The following UGT1A6 variants were observed in gnomAD, a reference collection of about 807,000 sequenced individuals.
The protein encoded by UGT1A6 is UDP-glucuronosyltransferase 1A6.
UGT1A6 carries 32 observed loss-of-function variants against 44.4 expected under a neutral mutation model. That is an observed-to-expected ratio of 0.72 (90% CI 0.54 to 0.97). UGT1A6 has a LOEUF of 0.97. Ranked by LOEUF, UGT1A6 falls within the 50% of genes least tolerant of loss-of-function variation. The pLI, the probability that UGT1A6 is intolerant of heterozygous loss-of-function variation, is 0.00. For synonymous variants in UGT1A6, 238 were observed against 248.5 expected, an observed-to-expected ratio of 0.96 and a Z score of 0.40; for missense variants, 685 against 661.9, an observed-to-expected ratio of 1.03 and a Z score of -0.38.
chr2:233,719,424 T>A (rs1477800386), intron 1 of UGT1A6: 11 of 1,613,828 alleles, frequency 6.8e-6, no homozygotes, highest in Non-Finnish European at 9.3e-6. Flanking sequence ...AACGACCAAT[T>A]CAGACCACAT....
rs367562116 is a variant in UGT1A6, at chr2:233,765,371, G to A, written c.862-1663G>A. On this transcript the variant is annotated intron_variant, in intron 1 of 4. Coordinates refer to ENST00000305139, the MANE Select transcript of UGT1A6 (RefSeq NM_001072.4). Reference sequence around the variant, plus strand: ...GGAACCAACCCAGATGCCCATCAATGGTAGATTGGATAAAGAAAATGTGGT... The same window carrying A: ...GGAACCAACCCAGATGCCCATCAATAGTAGATTGGATAAAGAAAATGTGGT... Among the ~76,000 whole-genome samples, 7 of 152,230 alleles carry A rather than the reference G, an allele frequency of 4.6e-5. No homozygotes were observed. In the South Asian group the frequency reaches 1.0e-3, roughly 23 times the overall value.
At chr2:233,729,179 T>C (rs200023814) in intron 1 of UGT1A6, 112 of 1,613,806 alleles carry the variant, frequency 6.9e-5, no homozygotes, top group Non-Finnish European at 9.3e-6. Context: ...GGACTGCTGC[T>C]TCTCCTCAGT....
chr2:233,713,180 G>A (rs771375365), intron 1 of UGT1A6: 21 of 1,614,082 alleles, frequency 1.3e-5, no homozygotes, highest in South Asian at 8.8e-5. Context: ...TCCTCACCCT[G>A]GAGGTGAATA....
chr2:233,746,906 T>C (rs1380473357), intron 1 of UGT1A6, among the ~76,000 whole-genome samples: 1 of 151,690 alleles, frequency 6.6e-6, no homozygotes, highest in Admixed American at 6.5e-5. Context: ...TGACATGAAA[T>C]GGGTTTCCAC....
chr2:233,712,271 C>T (rs3893334), intron 1 of UGT1A6, among the ~76,000 whole-genome samples: 15,485 of 152,260 alleles, frequency 0.1, 907 homozygotes, highest in East Asian at 0.2. Flanking sequence ...GTGCTTTAGA[C>T]AGCAGCACCT....
rs551553193 is a variant in UGT1A6, at chr2:233,693,077, G to A, written c.73G>A (p.Val25Ile). The change falls in exon 1 of 5, where the codon GTA (valine) becomes ATA (isoleucine). Residue 25 changes from valine (V) to isoleucine (I), a missense_variant. Transcript: ENST00000305139. The part of the protein sequence containing the change: ...VFFLALWGMV[V>I]GDKLLVVPQD... ...CTTCTTAGCACTTTGGGGCATGGTT[G>A]TAGGTGACAAGCTGCTGGTGGTCCC... The A allele has an allele frequency of 1.2e-5, 20 of 1,614,204 alleles. No homozygotes were observed. In the East Asian group the frequency reaches 4.2e-4, roughly 34 times the overall value.
At chr2:233,747,695 G>C in intron 1 of UGT1A6, 1 of 1,611,470 alleles carries the variant, frequency 6.2e-7, no homozygotes, top group Non-Finnish European at 8.5e-7. Flanking sequence ...GGGCAGTGCT[G>C]GCTAAGTACC....
chr2:233,718,017 C>T (rs2076622656), intron 1 of UGT1A6: 3 of 393,308 alleles, frequency 7.6e-6, no homozygotes, highest in South Asian at 1.9e-5. Flanking sequence ...CAGGCTCCAG[C>T]TCCCCAGGTC....
intron 1 of UGT1A6, among the ~76,000 whole-genome samples, chr2:233,734,101 T>TATA (rs549143261): frequency 0.029 from 4,376 of 151,364 alleles, 190 homozygotes; most frequent in African/African-American, 0.094. Flanking sequence ...AAACTTAAAG[T>TATA]ATAATAATAA....
intron 1 of UGT1A6, chr2:233,713,460 T>C: frequency 2.5e-6 from 4 of 1,614,160 alleles, no homozygotes; most frequent in Non-Finnish European, 3.4e-6. Flanking sequence ...CTTTCACCTC[T>C]GCGCGGCGGT....
chr2:233,744,363 T>G (rs1041937060), intron 1 of UGT1A6, among the ~76,000 whole-genome samples: 1 of 151,886 alleles, frequency 6.6e-6, no homozygotes, highest in African/African-American at 2.4e-5. Context: ...TCCTGTTGTT[T>G]AGGACTGCAG....
intron 1 of UGT1A6, chr2:233,718,641 G>T: frequency 6.8e-7 from 1 of 1,475,748 alleles, no homozygotes; most frequent in Admixed American, 2.0e-5. Context: ...CCAGGGTTGG[G>T]CCCATAACGA....
intron 1 of UGT1A6, among the ~76,000 whole-genome samples, chr2:233,724,363 C>T (rs1212893783): frequency 1.6e-4 from 22 of 136,704 alleles, no homozygotes; most frequent in African/African-American, 2.2e-4. Flanking sequence ...CCCTCCCGGA[C>T]GGGGTGGCTG....
intron 1 of UGT1A6, among the ~76,000 whole-genome samples, chr2:233,715,582 G>A (rs2076459243): frequency 6.6e-6 from 1 of 151,896 alleles, no homozygotes; most frequent in South Asian, 2.1e-4. Context: ...GAGCAGCCTG[G>A]GCAACATGCT....
intron 1 of UGT1A6, chr2:233,755,162 G>C: frequency 2.3e-6 from 3 of 1,279,936 alleles, no homozygotes; most frequent in Non-Finnish European, 3.2e-6. Context: ...CCCTGTCCTC[G>C]GGGTTTTTGT....
intron 1 of UGT1A6, among the ~76,000 whole-genome samples, chr2:233,715,015 TACAGGCGCATGGCACC>T (rs1363692546): frequency 6.6e-6 from 1 of 152,224 alleles, no homozygotes; most frequent in African/African-American, 2.4e-5. Flanking sequence ...TAGCTGGAAC[TACAGGCGCATGGCACC>T]ACATCCAGCT....
At chr2:233,760,225 G>A (rs1047777533) in intron 1 of UGT1A6, 1 of 1,585,000 alleles carries the variant, frequency 6.3e-7, no homozygotes. Flanking sequence ...GTATCGATTG[G>A]TTTTTGCCAT....
At position 233,693,864 on chromosome 2, in the gene UGT1A6, A is replaced by G. The variant is rs757830710; in HGVS notation, c.860A>G (p.Gln287Arg). 1 of 1,614,148 alleles carries G rather than the reference A, an allele frequency of 6.2e-7. No homozygotes were observed. The highest frequency in any genetic ancestry group is 8.5e-7 in the Non-Finnish European group (1 of 1,180,032). The change falls in exon 1 of 5, where the codon CAG (glutamine) becomes CGG (arginine). Residue 287 changes from glutamine to arginine, a missense_variant and splice_region_variant. Transcript: ENST00000305139. Reference sequence around the variant, plus strand: ...TGTAAGAAGAGGAAAGACTTGTCTCAGGTTGGTGGGTTTATTTCTTTTGGA... The same window carrying G: ...TGTAAGAAGAGGAAAGACTTGTCTCGGGTTGGTGGGTTTATTTCTTTTGGA... The part of the protein sequence containing the change: ...INCKKRKDLS[Q>R]EFEAYINASG...
At chr2:233,707,468 AT>A (rs896573991) in intron 1 of UGT1A6, among the ~76,000 whole-genome samples, 1 of 150,994 alleles carries the variant, frequency 6.6e-6, no homozygotes, top group African/African-American at 2.4e-5. Flanking sequence ...GCATCTGTAA[AT>A]AATACAGATG....
Sources: allele counts gnomAD v4.1 joint callset (sites outside exome capture counted in the v4.1 genomes callset), GRCh38; gene constraint gnomAD v4.1.1; transcripts MANE v1.5; gene names NCBI Gene and HGNC (gene_info 2026-07-23, HGNC 2026-07-21).